Variants in EEPD1 observed in about 807,000 individuals in gnomAD.
EEPD1 encodes the protein endonuclease/exonuclease/phosphatase family domain containing 1.
Under a neutral mutation model 46.3 loss-of-function variants are expected in EEPD1, and 17 were observed. The ratio of observed to expected loss-of-function variants is 0.37; its 90% CI spans 0.25 to 0.55. The LOEUF (loss-of-function observed/expected upper bound fraction) is 0.55, where lower values mean the gene tolerates loss of function less well. Ranked by LOEUF, EEPD1 falls within the 20% of genes least tolerant of loss-of-function variation. The pLI is 0.83. For missense variants in EEPD1, 673 were observed against 745.6 expected (o/e 0.90, Z 1.13); for synonymous variants, 313 against 315.6 (o/e 0.99, Z 0.09).
chr7:36,266,890 A>G (rs928313756), intron 3 of EEPD1, among the ~76,000 whole-genome samples: 17 of 152,190 alleles, frequency 1.1e-4, no homozygotes, highest in African/African-American at 3.9e-4. Context: ...AGGTTCATCC[A>G]TGTATCAGTA....
rs1235949889 is a variant in EEPD1, at chr7:36,265,353, A to G, written c.931-15762A>G. Among the ~76,000 whole-genome samples, 3 of 151,910 alleles carry G rather than the reference A, an allele frequency of 2.0e-5. No homozygotes were observed. In the East Asian group the frequency reaches 5.8e-4, roughly 29 times the overall value. ...GAACAACTCTGGCTTCTTCACAGAAATGTGCCTGGGAAGTTCTGGGAGCCT... is the reference window on the plus strand; with the variant it reads ...GAACAACTCTGGCTTCTTCACAGAAGTGTGCCTGGGAAGTTCTGGGAGCCT... On this transcript the variant is annotated intron_variant, in intron 3 of 7. Coordinates refer to ENST00000242108, the MANE Select transcript of EEPD1 (RefSeq NM_030636.3).
chr7:36,217,786 A>G (rs1442516239), intron 2 of EEPD1, among the ~76,000 whole-genome samples: 3 of 152,342 alleles, frequency 2.0e-5, no homozygotes, highest in East Asian at 1.9e-4. Context: ...TAGAGAGGCC[A>G]TGGGCTCTAA....
intron 2 of EEPD1, among the ~76,000 whole-genome samples, chr7:36,227,132 A>T (rs1786244690): frequency 6.6e-6 from 1 of 152,224 alleles, no homozygotes; most frequent in African/African-American, 2.4e-5. Flanking sequence ...GATTACTTGT[A>T]TAATTTTGTG....
Position 36,284,789 on chromosome 7 carries a change from C to T in EEPD1, c.1145C>T (p.Ala382Val), listed in dbSNP as rs778306668. ...SSPSNGHGKL[A>V]GPSPYLGRFK... ...CCAAGCAACGGGCACGGGAAGCTGG[C>T]GGGCCCCAGCCCATACCTCGGGAGG... The change falls in exon 5 of 8, where the codon GCG becomes GTG. Residue 382 changes from alanine to valine, a missense_variant. Ala to Val is a moderately conservative substitution (Grantham distance 64, BLOSUM62 0). Transcript: ENST00000242108. The T allele has an allele frequency of 1.3e-5, 20 of 1,581,148 alleles. No individual in the cohort carries two copies. In the Admixed American group the frequency reaches 1.6e-4, roughly 12 times the overall value.
chr7:36,276,600 A>T (rs1787185756), intron 3 of EEPD1, among the ~76,000 whole-genome samples: 1 of 152,214 alleles, frequency 6.6e-6, no homozygotes, highest in African/African-American at 2.4e-5. Flanking sequence ...CCAAAATAGT[A>T]TTTGTTTGTT....
chr7:36,238,157 C>T (rs1488419553), intron 2 of EEPD1, among the ~76,000 whole-genome samples: 1 of 152,172 alleles, frequency 6.6e-6, no homozygotes, highest in African/African-American at 2.4e-5. Context: ...TGTCTTTTAG[C>T]ATGCTAATGC....
At chr7:36,284,879 A>G in intron 5 of EEPD1, 59 bp downstream of exon 5, 3 of 1,429,906 alleles carry the variant, frequency 2.1e-6, no homozygotes, top group Middle Eastern at 1.9e-4. Flanking sequence ...AGGAAAGAAA[A>G]GGGCTCATTT....
chr7:36,200,174 C>T (rs1785690653), intron 2 of EEPD1, among the ~76,000 whole-genome samples: 1 of 151,952 alleles, frequency 6.6e-6, no homozygotes. Context: ...TGTTGTTCCC[C>T]TCTTTGTGTC....
At chr7:36,272,406 C>G (rs960280315) in intron 3 of EEPD1, among the ~76,000 whole-genome samples, 1 of 152,134 alleles carries the variant, frequency 6.6e-6, no homozygotes, top group African/African-American at 2.4e-5. Context: ...CACAGCTCCT[C>G]CCTCCTCCTA....
In EEPD1 at chr7:36,299,140, T is replaced by C. The variant is rs196613; in HGVS notation, c.1644T>C (p.Asp548=). The C allele has an allele frequency of 0.98, 1,580,802 of 1,614,074 alleles. 774,931 individuals carry two copies. The highest frequency in any genetic ancestry group is 0.99 in the Non-Finnish European group (1,167,920 of 1,180,018). Residue 548 remains aspartate, a synonymous_variant, in exon 8 of 8, where the codon GAT becomes GAC. Transcript: ENST00000242108. ...CTGAAAAGGACTGGAGCAAGAAGGA[T>C]GCCCCTCGGAACGGCAGCGGGGTGG... is the stretch of plus-strand genomic sequence containing the variant. ...FYTEKDWSKK[D]APRNGSGVAL... is the part of the protein sequence containing the mutation.
chr7:36,282,103 A>G (rs1004522854), intron 4 of EEPD1, among the ~76,000 whole-genome samples: 2 of 152,202 alleles, frequency 1.3e-5, no homozygotes, highest in African/African-American at 4.8e-5. Flanking sequence ...GGGGGTGTAA[A>G]TGGCTCCTGC....
At chr7:36,212,349 A>G (rs1437294844) in intron 2 of EEPD1, among the ~76,000 whole-genome samples, 1 of 151,876 alleles carries the variant, frequency 6.6e-6, no homozygotes, top group African/African-American at 2.4e-5. Flanking sequence ...TTTTGACCCA[A>G]TAGGTCCACC....
At chr7:36,169,463 A>C (rs1304570614) in intron 2 of EEPD1, among the ~76,000 whole-genome samples, 1 of 152,150 alleles carries the variant, frequency 6.6e-6, no homozygotes, top group East Asian at 1.9e-4. Context: ...GGGGATTTAA[A>C]TTGCATGTCC....
chr7:36,170,115 T>C (rs1785051151), intron 2 of EEPD1, among the ~76,000 whole-genome samples: 1 of 152,198 alleles, frequency 6.6e-6, no homozygotes, highest in African/African-American at 2.4e-5. Context: ...TTCAAAATTA[T>C]GTATTTTGGC....
intron 2 of EEPD1, among the ~76,000 whole-genome samples, chr7:36,191,406 G>T (rs1344502917): frequency 6.6e-6 from 1 of 152,178 alleles, no homozygotes; most frequent in Non-Finnish European, 1.5e-5. Context: ...AGAGGGAGGG[G>T]AGAGGACGAG....
intron 4 of EEPD1, among the ~76,000 whole-genome samples, chr7:36,282,957 ATGTTCAATCTC>A (rs1175508175): frequency 6.6e-5 from 10 of 152,382 alleles, no homozygotes; most frequent in African/African-American, 2.4e-4. Flanking sequence ...CAGGTTGAAA[ATGTTCAATCTC>A]TGTCCCTAGA....
At chr7:36,203,731 T>G (rs1265902461) in intron 2 of EEPD1, among the ~76,000 whole-genome samples, 1 of 152,206 alleles carries the variant, frequency 6.6e-6, no homozygotes. Context: ...TCTCTCACTT[T>G]TTAGTTAGAA....
chr7:36,169,311 A>T (rs1316450770), intron 2 of EEPD1, among the ~76,000 whole-genome samples: 1 of 152,106 alleles, frequency 6.6e-6, no homozygotes, highest in Non-Finnish European at 1.5e-5. Context: ...GGACTGCCAG[A>T]TTGTTTTCCA....
chr7:36,158,385 T>C (rs1025817070), intron 2 of EEPD1, among the ~76,000 whole-genome samples: 1 of 152,192 alleles, frequency 6.6e-6, no homozygotes, highest in African/African-American at 2.4e-5. Flanking sequence ...GTAAAGGGAT[T>C]TTAAAGATAC....
Sources: allele counts gnomAD v4.1 joint callset (sites outside exome capture counted in the v4.1 genomes callset), GRCh38; gene constraint gnomAD v4.1.1; transcripts MANE v1.5; gene names NCBI Gene and HGNC (gene_info 2026-07-23, HGNC 2026-07-21).